Variants in MORC1 observed in about 807,000 individuals in gnomAD.
The protein encoded by MORC1 is MORC family CW-type zinc finger 1, also known as MORC family CW-type zinc finger protein 1.
A neutral mutation model predicts 134.9 loss-of-function variants in MORC1; 59 were observed. The observed-to-expected ratio is 0.44, with a 90% CI of 0.35 to 0.54. The LOEUF is 0.54. Among genes scored for constraint, MORC1 ranks in the 20% least tolerant of loss-of-function variants. The pLI, the probability that MORC1 is intolerant of heterozygous loss-of-function variation, is 0.00. For missense variants in MORC1, 947 were observed against 1,134.5 expected (o/e 0.83, Z 2.37); for synonymous variants, 395 against 391.7 (o/e 1.01, Z -0.10).
At chr3:109,009,924 T>G (rs2029002) in intron 17 of MORC1, among the ~76,000 whole-genome samples, 64,186 of 151,946 alleles carry the variant, frequency 0.42, 14,264 homozygotes, top group Middle Eastern at 0.55. Flanking sequence ...TTCAAATTGT[T>G]CAAATATTGT....
intron 3 of MORC1, among the ~76,000 whole-genome samples, chr3:109,108,144 G>GTGCCA (rs1951078819): frequency 6.6e-6 from 1 of 152,080 alleles, no homozygotes. Flanking sequence ...AGCCGAGATG[G>GTGCCA]TGCCACTGCA....
chr3:109,023,844 G>T (rs1949014960), intron 17 of MORC1, among the ~76,000 whole-genome samples: 1 of 152,166 alleles, frequency 6.6e-6, no homozygotes, highest in Non-Finnish European at 1.5e-5. Flanking sequence ...AGAAATAAAA[G>T]CTTCATCACT....
rs548060682 is a variant in MORC1 at position 109,071,641 on chromosome 3, T to C, written c.690-1884A>G. Among the ~76,000 whole-genome samples the C allele has an allele frequency of 1.2e-4, 18 of 152,276 alleles. No individual in the cohort carries two copies. In the East Asian group the frequency reaches 2.7e-3, roughly 23 times the overall value. Reference sequence around the variant, plus strand: ...TACATTCTCTCCTTCTCATGAAAGTTCACATACAGCATAATTTTCTCAAAG... The same window carrying C: ...TACATTCTCTCCTTCTCATGAAAGTCCACATACAGCATAATTTTCTCAAAG... On this transcript the variant is annotated intron_variant, in intron 8 of 27. Transcript: ENST00000232603.
chr3:109,004,986 A>G, intron 19 of MORC1, 84 bp downstream of exon 19: 1 of 1,572,474 alleles, frequency 6.4e-7, no homozygotes, highest in South Asian at 1.2e-5. Context: ...AGTGTCTTAA[A>G]ATGTGAAAAT....
intron 21 of MORC1, among the ~76,000 whole-genome samples, chr3:108,998,508 C>A (rs1386596674): frequency 6.6e-6 from 1 of 152,130 alleles, no homozygotes; most frequent in African/African-American, 2.4e-5. Flanking sequence ...CAACCTCCTG[C>A]ACCACCATTA....
intron 21 of MORC1, among the ~76,000 whole-genome samples, chr3:108,993,331 A>G (rs972407956): frequency 3.3e-5 from 5 of 152,158 alleles, no homozygotes; most frequent in Admixed American, 1.3e-4. Context: ...GAATATTTAG[A>G]TTCCTTATAA....
chr3:109,069,578 T>C, intron 9 of MORC1, 54 bp downstream of exon 9: 13 of 1,480,102 alleles, frequency 8.8e-6, no homozygotes, highest in South Asian at 2.8e-5. Flanking sequence ...TTGGGGAGCA[T>C]ATCAATTTTA....
intron 17 of MORC1, among the ~76,000 whole-genome samples, chr3:109,008,737 T>A (rs971706442): frequency 7.9e-5 from 12 of 152,146 alleles, no homozygotes; most frequent in Non-Finnish European, 1.5e-4. Context: ...TTTAGCTTTC[T>A]CTGTCTTTAG....
chr3:109,040,829 CAAAA>C (rs59122147), intron 14 of MORC1, among the ~76,000 whole-genome samples: 50 of 108,614 alleles, frequency 4.6e-4, no homozygotes, highest in African/African-American at 2.0e-3. Context: ...AACTCTGTGT[CAAAA>C]AAAAAAAAAA....
intron 1 of MORC1, among the ~76,000 whole-genome samples, chr3:109,115,779 T>C (rs1951258726): frequency 6.6e-6 from 1 of 152,144 alleles, no homozygotes; most frequent in Admixed American, 6.5e-5. Context: ...GTCCTGGAGC[T>C]CAAGCTGGTG....
intron 14 of MORC1, among the ~76,000 whole-genome samples, chr3:109,045,508 T>C (rs1031343869): frequency 2.0e-4 from 31 of 152,302 alleles, no homozygotes; most frequent in African/African-American, 7.5e-4. Context: ...AGAAGAACCA[T>C]GAGGCCAACT....
chr3:109,072,959 A>G (rs1950349236), intron 8 of MORC1, among the ~76,000 whole-genome samples: 1 of 38,280 alleles, frequency 2.6e-5, no homozygotes, highest in Non-Finnish European at 7.2e-5. Flanking sequence ...ACACACACAC[A>G]CACACATACA....
chr3:109,036,738 T>G (rs918868740), intron 14 of MORC1, among the ~76,000 whole-genome samples: 4 of 152,154 alleles, frequency 2.6e-5, no homozygotes, highest in African/African-American at 9.7e-5. Context: ...TCTTCACAGT[T>G]GGGCTGGGCT....
At chr3:109,020,096 T>C (rs1405003188) in intron 17 of MORC1, among the ~76,000 whole-genome samples, 2 of 152,346 alleles carry the variant, frequency 1.3e-5, no homozygotes, top group East Asian at 3.9e-4. Context: ...ATTTATAGTT[T>C]GGTATTTTCT....
At chr3:109,037,874 G>T (rs944648199) in intron 14 of MORC1, among the ~76,000 whole-genome samples, 2 of 152,138 alleles carry the variant, frequency 1.3e-5, no homozygotes, top group Non-Finnish European at 2.9e-5. Flanking sequence ...CCAAGTCTTT[G>T]CTATTGTGAA....
intron 4 of MORC1, among the ~76,000 whole-genome samples, chr3:109,103,116 G>A (rs1379566274): frequency 1.3e-5 from 2 of 152,164 alleles, no homozygotes; most frequent in African/African-American, 4.8e-5. Context: ...GACCATGGCA[G>A]TTCCATATTA....
chr3:109,045,511 G>A (rs955688707), intron 14 of MORC1, among the ~76,000 whole-genome samples: 3 of 152,168 alleles, frequency 2.0e-5, no homozygotes, highest in African/African-American at 7.2e-5. Flanking sequence ...AGAACCATGA[G>A]GCCAACTGCC....
chr3:109,014,235 T>A (rs546779768), intron 17 of MORC1, among the ~76,000 whole-genome samples: 2 of 152,374 alleles, frequency 1.3e-5, no homozygotes, highest in South Asian at 4.1e-4. Context: ...TCATTGTACA[T>A]ATCACAATGT....
intron 26 of MORC1, among the ~76,000 whole-genome samples, chr3:108,964,258 GA>G (rs1175270721): frequency 1.3e-5 from 2 of 152,212 alleles, no homozygotes; most frequent in Non-Finnish European, 2.9e-5. Context: ...AGGTAATGGA[GA>G]GGCCAAATGC....
Sources: allele counts gnomAD v4.1 joint callset (sites outside exome capture counted in the v4.1 genomes callset), GRCh38; gene constraint gnomAD v4.1.1; transcripts MANE v1.5; gene names NCBI Gene and HGNC (gene_info 2026-07-23, HGNC 2026-07-21).